The following EPHA6 variants were observed in gnomAD, a reference collection of about 807,000 sequenced individuals.
EPHA6 encodes the protein ephrin type-A receptor 6.
A neutral mutation model predicts 112.0 loss-of-function variants in EPHA6; 50 were observed. The ratio of observed to expected loss-of-function variants is 0.45; its 90% CI spans 0.36 to 0.56. EPHA6 has a LOEUF of 0.56. Ranked by LOEUF, EPHA6 falls within the 20% of genes least tolerant of loss-of-function variation. EPHA6 has a pLI of 0.00. For missense variants in EPHA6, 1,280 were observed against 1,417.4 expected (o/e 0.90, Z 1.56); for synonymous variants, 529 against 490.7 (o/e 1.08, Z -1.03).
intron 3 of EPHA6, among the ~76,000 whole-genome samples, chr3:97,104,293 G>A (rs1317825911): frequency 6.6e-6 from 1 of 151,980 alleles, no homozygotes; most frequent in African/African-American, 2.4e-5. Flanking sequence ...TGTCATAGAA[G>A]GCTCTTACTA....
intron 1 of EPHA6, among the ~76,000 whole-genome samples, chr3:96,843,559 G>C (rs2034879493): frequency 6.6e-6 from 1 of 152,020 alleles, no homozygotes; most frequent in Non-Finnish European, 1.5e-5. Flanking sequence ...CGGTGAACAG[G>C]TAGCAATAGG....
chr3:97,646,056 C>T, intron 14 of EPHA6: 1 of 1,263,572 alleles, frequency 7.9e-7, no homozygotes, highest in Non-Finnish European at 1.1e-6. Context: ...TGGAAGCTAT[C>T]CTTTTCTAAT....
intron 5 of EPHA6, among the ~76,000 whole-genome samples, chr3:97,270,488 A>G (rs1388670399): frequency 6.6e-6 from 1 of 152,220 alleles, no homozygotes; most frequent in Non-Finnish European, 1.5e-5. Context: ...ATGTTATTGC[A>G]TTTGTAATTT....
At chr3:96,910,106 A>G (rs1177590621) in intron 2 of EPHA6, among the ~76,000 whole-genome samples, 2 of 152,078 alleles carry the variant, frequency 1.3e-5, no homozygotes, top group African/African-American at 2.4e-5. Context: ...TACATCGTTC[A>G]TAAATGTACT....
intron 2 of EPHA6, among the ~76,000 whole-genome samples, chr3:96,964,869 T>TCA (rs757882692): frequency 6.6e-6 from 1 of 152,210 alleles, no homozygotes; most frequent in Non-Finnish European, 1.5e-5. Context: ...TCATCAATAG[T>TCA]ATTGTCAAAA....
intron 3 of EPHA6, among the ~76,000 whole-genome samples, chr3:97,099,543 C>G (rs1253091396): frequency 1.3e-5 from 2 of 151,932 alleles, no homozygotes; most frequent in Non-Finnish European, 2.9e-5. Context: ...ACCAAACCCT[C>G]CTTTTTTGGT....
intron 16 of EPHA6, among the ~76,000 whole-genome samples, chr3:97,738,180 GTC>G (rs2035356044): frequency 4.0e-5 from 6 of 151,332 alleles, no homozygotes; most frequent in African/African-American, 1.5e-4. Flanking sequence ...CAAGAAACCT[GTC>G]TCTGATGAGA....
At chr3:96,887,073 C>A (rs189672632) in intron 2 of EPHA6, among the ~76,000 whole-genome samples, 1 of 152,248 alleles carries the variant, frequency 6.6e-6, no homozygotes, top group African/African-American at 2.4e-5. Flanking sequence ...GTCCTGAATT[C>A]TTTTTGAGGT....
chr3:96,898,883 C>T (rs917325275), intron 2 of EPHA6, among the ~76,000 whole-genome samples: 2 of 151,692 alleles, frequency 1.3e-5, no homozygotes, highest in African/African-American at 2.4e-5. Context: ...CAAAAATTAG[C>T]CGGGCATGGT....
chr3:96,909,320 A>G (rs1289154166), intron 2 of EPHA6, among the ~76,000 whole-genome samples: 1 of 152,004 alleles, frequency 6.6e-6, no homozygotes, highest in Non-Finnish European at 1.5e-5. Flanking sequence ...TAGATCTATA[A>G]TCTTTGAAAT....
At chr3:97,594,569 T>C (rs1463133168) in intron 12 of EPHA6, among the ~76,000 whole-genome samples, 2 of 152,254 alleles carry the variant, frequency 1.3e-5, no homozygotes, top group Non-Finnish European at 2.9e-5. Context: ...TTTTGTGTGA[T>C]ACTTTTTGGT....
chr3:97,732,849 G>T (rs1318369368), intron 15 of EPHA6, among the ~76,000 whole-genome samples: 1 of 151,946 alleles, frequency 6.6e-6, no homozygotes, highest in Admixed American at 6.6e-5. Context: ...TGCTGTTATT[G>T]CTACTCTTTT....
chr3:96,858,389 A>G (rs552509637), intron 1 of EPHA6, among the ~76,000 whole-genome samples: 14 of 152,242 alleles, frequency 9.2e-5, no homozygotes, highest in African/African-American at 3.4e-4. Context: ...AAAGCAAAGT[A>G]TAGAACCCAG....
chr3:96,833,189 A>G (rs2034195471), intron 1 of EPHA6, among the ~76,000 whole-genome samples: 1 of 148,596 alleles, frequency 6.7e-6, no homozygotes, highest in Non-Finnish European at 1.5e-5. Flanking sequence ...GTGGACCCCT[A>G]ATCTAGTATG....
At chr3:97,358,521 A>C (rs527572343) in intron 5 of EPHA6, among the ~76,000 whole-genome samples, 91 of 152,290 alleles carry the variant, frequency 6.0e-4, no homozygotes, top group Admixed American at 4.6e-3. Context: ...ACTATCTTTT[A>C]GAGTAATAAT....
rs371690027 is a variant in EPHA6 at position 97,226,297 on chromosome 3, G to A, written c.1148G>A (p.Gly383Glu). 92 of 1,610,848 alleles carry A rather than the reference G, an allele frequency of 5.7e-5. No homozygotes were observed. Among genetic ancestry groups the A allele is most frequent in the Non-Finnish European group, 6.5e-5 (77 of 1,178,834 alleles). ...CCAGGATTCTATAAAGCTTTTGCTG[G>A]GAACACAAAATGTTCTAAATGTCCT... ...CRPGFYKAFA[G>E]NTKCSKCPPH... is the part of the protein sequence containing the mutation. Residue 383 changes from glycine to glutamate, a missense_variant, in exon 4 of 18, where the codon GGG (glycine) becomes GAG (glutamate). Coordinates refer to ENST00000389672, the MANE Select transcript of EPHA6 (RefSeq NM_001080448.3).
chr3:97,075,376 T>C (rs2046483852), intron 3 of EPHA6, among the ~76,000 whole-genome samples: 1 of 152,106 alleles, frequency 6.6e-6, no homozygotes, highest in Non-Finnish European at 1.5e-5. Flanking sequence ...CTTTGACTTT[T>C]GTCAAATTTT....
At position 97,749,363 on chromosome 3, in the gene EPHA6, T is replaced by A. The variant is rs886878131; in HGVS notation, c.*662T>A. 3 of 206,494 alleles carry A rather than the reference T, an allele frequency of 1.5e-5. No individual in the cohort carries two copies. Among genetic ancestry groups the A allele is most frequent in the African/African-American group, 2.3e-5 (1 of 43,832 alleles). The allele number at this position is 206,494 out of a possible 1,614,324, so 12.8% of individuals were successfully genotyped here. ...TCTGAGGCTGGGTTTGTCAATTTTT[T>A]AAAAATTAACTTTATAATGTCATAC... On this transcript the variant is annotated 3_prime_UTR_variant, in exon 18 of 18. Transcript: ENST00000389672.
Position 96,987,925 on chromosome 3 carries a change from A to T in EPHA6, c.1046A>T (p.Asp349Val), listed in dbSNP as rs763621839. ...AAACTGTATTGTGGAGCTGATGGAG[A>T]TTGGCTGGTTCCTCTTGGAAGGTGC... ...TPKLYCGADGDWLVPLGRCIC... is the reference protein window; with the variant it reads ...TPKLYCGADGVWLVPLGRCIC... Residue 349 changes from aspartate (D) to valine (V), a missense_variant, in exon 3 of 18, where the codon GAT (aspartate) becomes GTT (valine). Asp to Val is a radical substitution (Grantham distance 152). Around this residue, in one of 4 missense-constraint regions of EPHA6, gnomAD observed 878 missense variants for 999.7 expected, o/e 0.88. Coordinates refer to ENST00000389672, the MANE Select transcript of EPHA6 (RefSeq NM_001080448.3). The T allele has an allele frequency of 6.2e-7, 1 of 1,613,740 alleles. No homozygotes were observed. Among genetic ancestry groups the T allele is most frequent in the Non-Finnish European group, 8.5e-7 (1 of 1,179,772 alleles).
Sources: gnomAD v4.1 joint callset for allele counts (sites outside exome capture counted in the v4.1 genomes callset) on GRCh38, gnomAD v4.1.1 for gene constraint, gnomAD v4.1.1 regional missense constraint, MANE v1.5 for transcripts, NCBI Gene and HGNC (gene_info 2026-07-23, HGNC 2026-07-21) for gene names.